DHRSX: variants seen among roughly 807,000 people sequenced by gnomAD.
DHRSX encodes polyprenol dehydrogenase.
Under a neutral mutation model 34.0 loss-of-function variants are expected in DHRSX, and 31 were observed. The observed-to-expected ratio is 0.91, with a 90% CI of 0.69 to 1.23. DHRSX has a LOEUF of 1.23. Ranked by LOEUF, DHRSX falls within the 50% of genes most tolerant of loss-of-function variation. The pLI, the probability that DHRSX is intolerant of heterozygous loss-of-function variation, is 0.00. For synonymous variants in DHRSX, 201 were observed against 183.8 expected, an observed-to-expected ratio of 1.09 and a Z score of -0.76; for missense variants, 414 against 428.1, an observed-to-expected ratio of 0.97 and a Z score of 0.29.
chrX:2,275,842 TTTTAA>T (rs200365865), intron 4 of DHRSX, among the ~76,000 whole-genome samples: 2 of 146,656 alleles, frequency 1.4e-5, no homozygotes, highest in Admixed American at 1.4e-4. Context: ...TTTTTAAAAA[TTTTAA>T]TTTAATTTTA....
At position 2,396,375 on chromosome X, in the gene DHRSX, CTTTTTT is replaced by C. The variant is rs1204243041; in HGVS notation, c.286+12364_286+12369del. On this transcript the variant is annotated intron_variant, in intron 3 of 6. Coordinates refer to ENST00000334651, the MANE Select transcript of DHRSX (RefSeq NM_145177.3). Reference sequence around the variant, plus strand: ...TGTGTTTGATGCTTTCTTTCTTTTTCTTTTTTTTTTTTTTTTTTTTGAGACAGAATC... The same window carrying C: ...TGTGTTTGATGCTTTCTTTCTTTTTCTTTTTTTTTTTTTTGAGACAGAATC... 1.4e-4 allele frequency among the ~76,000 whole-genome samples: 14 copies of C among 99,236 alleles called. No homozygotes were observed. The South Asian group carries it at 3.6e-3, about 26-fold the overall frequency. 65.1% of individuals were successfully genotyped at this position (99,236 alleles called of 152,430 possible).
At chrX:2,456,627 A>C (rs1467543411) in intron 1 of DHRSX, among the ~76,000 whole-genome samples, 5 of 151,502 alleles carry the variant, frequency 3.3e-5, no homozygotes, top group African/African-American at 1.2e-4. Context: ...AAAAAAAAAA[A>C]AAAACAGCTG....
At chrX:2,411,554 CAAAAAAAAAA>C (rs774788900) in intron 2 of DHRSX, among the ~76,000 whole-genome samples, 2 of 55,556 alleles carry the variant, frequency 3.6e-5, no homozygotes, top group Non-Finnish European at 7.4e-5. Flanking sequence ...AACTCTGTCC[CAAAAAAAAAA>C]AAAAAAAAAA....
chrX:2,266,742 G>A lies in DHRSX; in HGVS notation c.594C>T (p.Ser198=), dbSNP rs1294246617. The A allele has an allele frequency of 1.9e-6, 3 of 1,613,756 alleles. No individual in the cohort carries two copies. Among genetic ancestry groups the A allele is most frequent in the Non-Finnish European group, 1.7e-6 (2 of 1,179,782 alleles). Residue 198 remains serine (S), a splice_region_variant and synonymous_variant, in exon 5 of 7, where the codon AGC becomes AGT. Transcript: ENST00000334651. ...GATTATTCACAGGGTGCACCTACCTGCTCTGAAGGTCATCCATGTTCAGCT... is the reference window on the plus strand; with the variant it reads ...GATTATTCACAGGGTGCACCTACCTACTCTGAAGGTCATCCATGTTCAGCT... ...VAELNMDDLQ[S]SACYSPHAAY... is the part of the protein sequence containing the mutation.
chrX:2,417,492 C>T (rs2043710460), intron 2 of DHRSX, among the ~76,000 whole-genome samples: 1 of 152,086 alleles, frequency 6.6e-6, no homozygotes, highest in African/African-American at 2.4e-5. Context: ...CCAACTAGAC[C>T]TTATCATGAC....
chrX:2,358,873 C>G (rs186070848), intron 3 of DHRSX, among the ~76,000 whole-genome samples: 1,882 of 151,052 alleles, frequency 0.012, 25 homozygotes, highest in Middle Eastern at 0.044. Flanking sequence ...GGCGTGAACC[C>G]GGGGAGCAGA....
At chrX:2,347,842 A>T (rs2042740131) in intron 3 of DHRSX, among the ~76,000 whole-genome samples, 2 of 152,180 alleles carry the variant, frequency 1.3e-5, no homozygotes, top group African/African-American at 4.8e-5. Context: ...CATACATGGG[A>T]CATGTAAAAT....
intron 6 of DHRSX, among the ~76,000 whole-genome samples, chrX:2,229,651 G>A (rs1245782171): frequency 3.3e-5 from 5 of 151,640 alleles, no homozygotes; most frequent in Admixed American, 3.3e-4. Context: ...GATTGTATGT[G>A]CATGTCTGTA....
intron 6 of DHRSX, among the ~76,000 whole-genome samples, chrX:2,224,387 T>C (rs1156268408): frequency 6.6e-5 from 10 of 152,172 alleles, no homozygotes; most frequent in African/African-American, 2.4e-4. Context: ...TTTTGAAAAA[T>C]CCTCTTATCT....
At chrX:2,418,020 A>G (rs1173583795) in intron 2 of DHRSX, among the ~76,000 whole-genome samples, 1 of 151,730 alleles carries the variant, frequency 6.6e-6, no homozygotes, top group African/African-American at 2.4e-5. Flanking sequence ...ACCTAACTCA[A>G]CTACATTTCA....
In DHRSX at chrX:2,333,732, C is replaced by G. The variant is rs182040327; in HGVS notation, c.287-42129G>C. Among the ~76,000 whole-genome samples the G allele has an allele frequency of 2.3e-4, 35 of 152,040 alleles. 1 individual carries two copies. The highest frequency in any genetic ancestry group is 1.2e-4 in the Non-Finnish European group (8 of 67,964). On this transcript the variant is annotated intron_variant, in intron 3 of 6. Transcript: ENST00000334651. ...CCGGCCAATAGGCAGCTTTTTAATC[C>G]TCCCTCTCCTCCCACCCTTCACCCT... is the stretch of plus-strand genomic sequence containing the variant.
At chrX:2,457,138 A>C (rs2044309916) in intron 1 of DHRSX, among the ~76,000 whole-genome samples, 1 of 152,138 alleles carries the variant, frequency 6.6e-6, no homozygotes. Context: ...TGACACAGAC[A>C]CTCAGAAGAA....
At chrX:2,259,317 T>C (rs2041324002) in intron 5 of DHRSX, among the ~76,000 whole-genome samples, 1 of 147,092 alleles carries the variant, frequency 6.8e-6, no homozygotes, top group Non-Finnish European at 1.5e-5. Context: ...GATATAGATA[T>C]ATAGATAGAT....
At position 2,282,650 on chromosome X, in the gene DHRSX, G is replaced by T. The variant is rs181011489; in HGVS notation, c.388+8852C>A. 1.1e-4 allele frequency among the ~76,000 whole-genome samples: 16 copies of T among 140,392 alleles called. No individual in the cohort carries two copies. In the East Asian group the frequency reaches 3.5e-3, roughly 30 times the overall value. 92.1% of individuals were successfully genotyped at this position (140,392 alleles called of 152,430 possible). On this transcript the variant is annotated intron_variant, in intron 4 of 6. Transcript: ENST00000334651. ...AGAAGAAGGGAAAGGGAGGGAGAGA[G>T]GGAGAGAGAGAATGGGAGAAAAGGA...
chrX:2,260,455 A>G lies in DHRSX; in HGVS notation c.596+6285T>C, dbSNP rs1436645786. The stretch of plus-strand genomic sequence containing the variant: ...GTGTCTCTCTGTCTCCAAATTTTCT[A>G]CTTCATTTTTTTTTTTTTTTTGAGA... On this transcript the variant is annotated intron_variant, in intron 5 of 6. Coordinates refer to ENST00000334651, the MANE Select transcript of DHRSX (RefSeq NM_145177.3). Among the ~76,000 whole-genome samples the G allele has an allele frequency of 6.1e-5, 8 of 131,316 alleles. No homozygotes were observed. The South Asian group carries it at 9.4e-4, about 15-fold the overall frequency. The allele number at this position is 131,316 out of a possible 152,430, so 86.1% of individuals were successfully genotyped here.
chrX:2,344,526 T>C (rs886502664), intron 3 of DHRSX, among the ~76,000 whole-genome samples: 1 of 152,092 alleles, frequency 6.6e-6, no homozygotes, highest in African/African-American at 2.4e-5. Flanking sequence ...CATGGAATAC[T>C]ATGCAGCCAT....
intron 1 of DHRSX, among the ~76,000 whole-genome samples, chrX:2,433,306 T>A (rs1281628227): frequency 6.6e-6 from 1 of 152,112 alleles, no homozygotes; most frequent in Admixed American, 6.5e-5. Context: ...AGAGTTTATA[T>A]ACAGAACAGG....
chrX:2,232,237 C>G (rs189252026), intron 6 of DHRSX, among the ~76,000 whole-genome samples: 1 of 152,176 alleles, frequency 6.6e-6, no homozygotes, highest in East Asian at 1.9e-4. Flanking sequence ...CTACACCCTT[C>G]TGTTTCTAAA....
intron 3 of DHRSX, among the ~76,000 whole-genome samples, chrX:2,330,712 A>G: frequency 6.7e-6 from 1 of 149,452 alleles, no homozygotes; most frequent in African/African-American, 2.5e-5. Flanking sequence ...GGGCAGGAGA[A>G]GGAGGGGAAG....
Sources: allele counts gnomAD v4.1 joint callset (sites outside exome capture counted in the v4.1 genomes callset), GRCh38; gene constraint gnomAD v4.1.1; transcripts MANE v1.5; gene names NCBI Gene and HGNC (gene_info 2026-07-23, HGNC 2026-07-21).